The following ATP2B2 variants were observed in gnomAD, a reference collection of about 807,000 sequenced individuals.
ATP2B2 encodes ATPase plasma membrane Ca2+ transporting 2, also known as plasma membrane calcium-transporting ATPase 2.
A neutral mutation model predicts 120.0 loss-of-function variants in ATP2B2; 15 were observed. The observed-to-expected ratio is 0.12, with a 90% CI of 0.08 to 0.19. The LOEUF (loss-of-function observed/expected upper bound fraction) is 0.19, where lower values mean the gene tolerates loss of function less well. ATP2B2 is among the 10% of genes least tolerant of loss of function. The probability of loss-of-function intolerance (pLI) is 1.00; values close to 1 mark genes in which losing one functional copy is unlikely to be tolerated. For missense variants in ATP2B2, 1,045 were observed against 1,719.8 expected, an observed-to-expected ratio of 0.61 and a Z score of 6.94; for synonymous variants, 694 against 700.3, an observed-to-expected ratio of 0.99 and a Z score of 0.14.
At chr3:10,373,343 C>T (rs75446775) in intron 11 of ATP2B2, among the ~76,000 whole-genome samples, 4,585 of 152,274 alleles carry the variant, frequency 0.03, 95 homozygotes, top group South Asian at 0.064. Context: ...AACCTCACAG[C>T]CTGGACCTTT....
At chr3:10,413,695 T>A (rs2062690575) in intron 2 of ATP2B2, among the ~76,000 whole-genome samples, 1 of 152,238 alleles carries the variant, frequency 6.6e-6, no homozygotes, top group Admixed American at 6.5e-5. Flanking sequence ...CCTGTCTTCC[T>A]CCTTTTGTCC....
intron 1 of ATP2B2, among the ~76,000 whole-genome samples, chr3:10,648,080 G>C (rs1283336627): frequency 6.6e-6 from 1 of 152,204 alleles, no homozygotes; most frequent in Non-Finnish European, 1.5e-5. Context: ...TATAAGTTGG[G>C]AGGAGAAGGT....
chr3:10,361,116 G>A (rs574260310), intron 12 of ATP2B2, among the ~76,000 whole-genome samples: 1 of 152,320 alleles, frequency 6.6e-6, no homozygotes, highest in Admixed American at 6.5e-5. Flanking sequence ...TTGCTGAGTG[G>A]TATTTCATGG....
At chr3:10,331,931 A>G in intron 22 of ATP2B2, 1 of 1,503,968 alleles carries the variant, frequency 6.6e-7, no homozygotes. Flanking sequence ...GGAAGCCAAG[A>G]GTCTGGGATT....
At chr3:10,334,398 G>T (rs1169424358) in intron 22 of ATP2B2, among the ~76,000 whole-genome samples, 8 of 152,180 alleles carry the variant, frequency 5.3e-5, no homozygotes, top group Non-Finnish European at 1.0e-4. Flanking sequence ...GATAGGTGGG[G>T]GTGCTGAGCA....
intron 2 of ATP2B2, among the ~76,000 whole-genome samples, chr3:10,605,489 G>T (rs993782060): frequency 1.3e-5 from 2 of 152,190 alleles, no homozygotes; most frequent in African/African-American, 4.8e-5. Flanking sequence ...GAGAGGGCAG[G>T]CTGGGGGGAA....
intron 2 of ATP2B2, among the ~76,000 whole-genome samples, chr3:10,576,012 C>G (rs891694813): frequency 6.6e-6 from 1 of 152,216 alleles, no homozygotes; most frequent in African/African-American, 2.4e-5. Context: ...GGCCTCACTC[C>G]CCTGCACAAT....
chr3:10,573,070 G>T (rs542995197), intron 2 of ATP2B2, among the ~76,000 whole-genome samples: 8 of 151,944 alleles, frequency 5.3e-5, no homozygotes, highest in Non-Finnish European at 8.8e-5. Context: ...ATTTCTGCCC[G>T]CAGGTTCCTT....
chr3:10,335,576 A>C (rs2060093727), intron 22 of ATP2B2, among the ~76,000 whole-genome samples: 1 of 152,104 alleles, frequency 6.6e-6, no homozygotes, highest in Non-Finnish European at 1.5e-5. Context: ...ACCAACTGGG[A>C]AAGTCTGGTT....
intron 1 of ATP2B2, among the ~76,000 whole-genome samples, chr3:10,644,896 T>C (rs2070282462): frequency 6.6e-6 from 1 of 152,264 alleles, no homozygotes; most frequent in South Asian, 2.1e-4. Context: ...TTTTATGTTA[T>C]GTGAATTTCC....
At chr3:10,439,087 C>T (rs1358060658) in intron 2 of ATP2B2, among the ~76,000 whole-genome samples, 2 of 152,220 alleles carry the variant, frequency 1.3e-5, no homozygotes, top group Non-Finnish European at 2.9e-5. Context: ...GCCAAGGGCA[C>T]TGCCCTGGCC....
intron 5 of ATP2B2, among the ~76,000 whole-genome samples, chr3:10,389,240 G>C (rs568340786): frequency 1.1e-4 from 16 of 152,202 alleles, no homozygotes; most frequent in African/African-American, 3.9e-4. Context: ...TTTTATCTTT[G>C]GGGCTTCAGT....
At chr3:10,525,551 CCT>C (rs1253739693) in intron 3 of ATP2B2, among the ~76,000 whole-genome samples, 1 of 152,064 alleles carries the variant, frequency 6.6e-6, no homozygotes, top group Non-Finnish European at 1.5e-5. Flanking sequence ...ATTCACATTT[CCT>C]CTGTTTTTGC....
chr3:10,385,440 A>G, intron 7 of ATP2B2, 113 bp from the exon 8 acceptor site: 2 of 909,938 alleles, frequency 2.2e-6, no homozygotes, highest in South Asian at 2.9e-5. Context: ...CTTAAAAAAA[A>G]AAATTATCCT....
At chr3:10,393,722 C>T (rs754260133) in intron 5 of ATP2B2, among the ~76,000 whole-genome samples, 13 of 151,422 alleles carry the variant, frequency 8.6e-5, no homozygotes, top group Non-Finnish European at 1.2e-4. Context: ...CTGTGGTTTC[C>T]GTGGATGGTA....
chr3:10,381,577 C>G (rs1431900854), intron 8 of ATP2B2, among the ~76,000 whole-genome samples: 2 of 152,192 alleles, frequency 1.3e-5, no homozygotes, highest in East Asian at 3.8e-4. Flanking sequence ...TGCTGAGGCA[C>G]AGATGGCCTG....
At chr3:10,397,041 T>C (rs1438315405) in intron 5 of ATP2B2, among the ~76,000 whole-genome samples, 1 of 152,196 alleles carries the variant, frequency 6.6e-6, no homozygotes, top group Non-Finnish European at 1.5e-5. Context: ...CCTATTGTCC[T>C]CCCAGGGAAA....
At chr3:10,341,985 T>C (rs79717484) in intron 19 of ATP2B2, among the ~76,000 whole-genome samples, 216 of 152,362 alleles carry the variant, frequency 1.4e-3, no homozygotes, top group African/African-American at 4.9e-3. Context: ...GGGAGGCTCC[T>C]GTAAGGAGAG....
At chr3:10,520,765 T>C (rs1053513511) in intron 3 of ATP2B2, among the ~76,000 whole-genome samples, 1 of 151,590 alleles carries the variant, frequency 6.6e-6, no homozygotes, top group Non-Finnish European at 1.5e-5. Flanking sequence ...CTCTTTTTTT[T>C]TTTTTCTTTT....
Sources: allele counts gnomAD v4.1 joint callset (sites outside exome capture counted in the v4.1 genomes callset), GRCh38; gene constraint gnomAD v4.1.1; transcripts MANE v1.5; gene names NCBI Gene and HGNC (gene_info 2026-07-23, HGNC 2026-07-21).